Variants in LIG1 observed in about 807,000 individuals in gnomAD.
LIG1 encodes ligase I, DNA, ATP-dependent.
A neutral mutation model predicts 115.7 loss-of-function variants in LIG1; 70 were observed. The ratio of observed to expected loss-of-function variants is 0.60; its 90% CI spans 0.50 to 0.74. The LOEUF (loss-of-function observed/expected upper bound fraction) is 0.74. Among genes scored for constraint, LIG1 ranks in the 30% least tolerant of loss-of-function variants. The pLI is 0.00. For synonymous variants in LIG1, 487 were observed against 495.3 expected, an observed-to-expected ratio of 0.98 and a Z score of 0.22; for missense variants, 1,115 against 1,225.6, an observed-to-expected ratio of 0.91 and a Z score of 1.35.
In LIG1 at chr19:48,122,725, C is replaced by T. The variant is rs1341057172; in HGVS notation, c.2232+209G>A. On this transcript the variant is annotated intron_variant, in intron 23 of 27. Transcript: ENST00000263274. The surrounding 1 kb of genome is among the most constrained non-coding windows in gnomAD (Gnocchi z 4.3). Reference sequence around the variant, plus strand: ...CCTCGTGGGATGTGCGGTGCTTGGGCTGGGGCTGTTCTCCATCAGAACTCG... The same window carrying T: ...CCTCGTGGGATGTGCGGTGCTTGGGTTGGGGCTGTTCTCCATCAGAACTCG... Among the ~76,000 whole-genome samples the T allele has an allele frequency of 2.0e-5, 3 of 152,186 alleles. No homozygotes were observed. The highest frequency in any genetic ancestry group is 6.5e-5 in the Admixed American group (1 of 15,282).
intron 9 of LIG1, among the ~76,000 whole-genome samples, chr19:48,148,217 T>C (rs1034675559): frequency 1.3e-5 from 2 of 152,244 alleles, no homozygotes; most frequent in East Asian, 3.9e-4. Context: ...CTCACGCCTG[T>C]AATCCCAGCA....
At chr19:48,129,547 G>A (rs115372700) in intron 19 of LIG1, among the ~76,000 whole-genome samples, 129 of 152,324 alleles carry the variant, frequency 8.5e-4, no homozygotes, top group African/African-American at 3.0e-3. Flanking sequence ...GCTCGGAGCA[G>A]ATGCCCAGTA....
At chr19:48,144,652 C>T (rs931352206) in intron 9 of LIG1, among the ~76,000 whole-genome samples, 3 of 152,114 alleles carry the variant, frequency 2.0e-5, no homozygotes, top group African/African-American at 7.2e-5. Context: ...CAGGCGTACA[C>T]GACCACACCT....
At chr19:48,125,024 A>C (rs2033571572) in intron 21 of LIG1, among the ~76,000 whole-genome samples, 1 of 152,144 alleles carries the variant, frequency 6.6e-6, no homozygotes, top group Admixed American at 6.6e-5. Flanking sequence ...AAAAAAAAAA[A>C]AATCATGGGG....
intron 2 of LIG1, among the ~76,000 whole-genome samples, chr19:48,165,328 C>T (rs1390134768): frequency 3.3e-5 from 5 of 152,166 alleles, no homozygotes; most frequent in Non-Finnish European, 5.9e-5. Flanking sequence ...CTGAGAACCA[C>T]TGCGTTAGGG....
At chr19:48,133,774 G>A (rs1322482271) in intron 17 of LIG1, among the ~76,000 whole-genome samples, 2 of 152,112 alleles carry the variant, frequency 1.3e-5, no homozygotes, top group Admixed American at 1.3e-4. Context: ...GTTTATCACA[G>A]CAGTGTCACC....
At chr19:48,159,944 C>G (rs1427734277) in intron 4 of LIG1, among the ~76,000 whole-genome samples, 1 of 152,032 alleles carries the variant, frequency 6.6e-6, no homozygotes, top group Non-Finnish European at 1.5e-5. Flanking sequence ...GTCTCAATCT[C>G]CGGACCTTGT....
intron 11 of LIG1, among the ~76,000 whole-genome samples, chr19:48,140,827 C>T (rs1361077832): frequency 6.6e-6 from 1 of 152,160 alleles, no homozygotes; most frequent in Non-Finnish European, 1.5e-5. Context: ...TCCCCACTTA[C>T]CAAGCCCCTA....
intron 1 of LIG1, among the ~76,000 whole-genome samples, chr19:48,169,406 T>A (rs2036649091): frequency 6.6e-6 from 1 of 152,246 alleles, no homozygotes; most frequent in Non-Finnish European, 1.5e-5. Context: ...ATATTGGGAC[T>A]ACATAAGATG....
chr19:48,142,161 G>A (rs1226581183), intron 11 of LIG1, among the ~76,000 whole-genome samples: 1 of 151,980 alleles, frequency 6.6e-6, no homozygotes, highest in Non-Finnish European at 1.5e-5. Context: ...ATTAGGGCCG[G>A]GCGCGGTGGC....
chr19:48,128,577 T>G (rs1006777014), intron 19 of LIG1, among the ~76,000 whole-genome samples: 1 of 152,204 alleles, frequency 6.6e-6, no homozygotes, highest in African/African-American at 2.4e-5. Context: ...GTTTCTCAAA[T>G]AAGTGGGCAA....
chr19:48,159,299 T>C (rs912116819), intron 4 of LIG1, among the ~76,000 whole-genome samples: 1 of 152,216 alleles, frequency 6.6e-6, no homozygotes, highest in Non-Finnish European at 1.5e-5. Flanking sequence ...CTCGAACTTC[T>C]GACCTCGTGA....
At chr19:48,133,669 C>T (rs951603886) in intron 17 of LIG1, among the ~76,000 whole-genome samples, 2 of 152,174 alleles carry the variant, frequency 1.3e-5, no homozygotes, top group African/African-American at 4.8e-5. Context: ...GATGACGGCT[C>T]ACTGCAGCCT....
At chr19:48,136,403 C>T (rs989361327) in intron 14 of LIG1, among the ~76,000 whole-genome samples, 12 of 152,108 alleles carry the variant, frequency 7.9e-5, no homozygotes, top group African/African-American at 2.4e-4. Flanking sequence ...GAGGGGTTGG[C>T]GAGGCTTGAG....
chr19:48,169,986 T>A (rs1365273567), intron 1 of LIG1: 1 of 275,620 alleles, frequency 3.6e-6, no homozygotes, highest in African/African-American at 2.6e-5. Context: ...CAAGGCCTCT[T>A]CTCAGAGGAC....
At chr19:48,133,910 G>A (rs1159084356) in intron 17 of LIG1, 71 bp downstream of exon 17, 19 of 1,304,868 alleles carry the variant, frequency 1.5e-5, no homozygotes, top group Admixed American at 2.0e-5. Context: ...CGCCTACGAT[G>A]GCCACCCTCA....
At chr19:48,164,425 G>C (rs552710297) in intron 2 of LIG1, among the ~76,000 whole-genome samples, 3 of 152,142 alleles carry the variant, frequency 2.0e-5, no homozygotes, top group Admixed American at 2.0e-4. Flanking sequence ...TTCCTCTTGG[G>C]ATGCTTCTTA....
intron 11 of LIG1, 116 bp downstream of exon 11, chr19:48,143,427 G>A (rs184515338): frequency 2.5e-5 from 24 of 946,856 alleles, no homozygotes; most frequent in East Asian, 9.6e-5. Flanking sequence ...ATACGCCCGA[G>A]CGGGGTCAGA....
chr19:48,170,091 G>C, intron 1 of LIG1, 150 bp downstream of exon 1: 1 of 410,560 alleles, frequency 2.4e-6, no homozygotes, highest in Non-Finnish European at 4.9e-6. Context: ...CGCAGCCCGC[G>C]CTCTTCCGTC....
Sources: gnomAD v4.1 joint callset for allele counts (sites outside exome capture counted in the v4.1 genomes callset) on GRCh38, gnomAD v4.1.1 for gene constraint, Gnocchi (gnomAD v3.1) non-coding constraint, MANE v1.5 for transcripts, NCBI Gene and HGNC (gene_info 2026-07-23, HGNC 2026-07-21) for gene names.